ERCC6: variants seen among roughly 807,000 people sequenced by gnomAD.
ERCC6 encodes ERCC excision repair 6, chromatin remodeling factor, also known as DNA excision repair protein ERCC-6.
ERCC6 carries 116 observed loss-of-function variants against 158.7 expected under a neutral mutation model. That is an observed-to-expected ratio of 0.73 (90% CI 0.63 to 0.85). ERCC6 has a LOEUF of 0.85. Ranked by LOEUF, ERCC6 falls within the 40% of genes least tolerant of loss-of-function variation. The pLI is 0.00. For missense variants in ERCC6, 1,698 were observed against 1,799.4 expected, an observed-to-expected ratio of 0.94 and a Z score of 1.02; for synonymous variants, 678 against 659.3, an observed-to-expected ratio of 1.03 and a Z score of -0.43.
chr10:49,524,598 G>C lies in ERCC6; in HGVS notation c.832C>G (p.Gln278Glu), dbSNP rs74693932. The change falls in exon 5 of 21, where the codon CAA becomes GAA. Residue 278 changes from glutamine to glutamate, a missense_variant. By Grantham distance (29) the Gln-to-Glu change is conservative. Transcript: ENST00000355832. ...ASGFEKYLAD[Q>E]AKLSFERKKQ... Reference sequence around the variant, plus strand: ...TTCCTTTCAAAAGACAGTTTTGCTTGATCTGCCAAATACTTTTCGAAGCCT... The same window carrying C: ...TTCCTTTCAAAAGACAGTTTTGCTTCATCTGCCAAATACTTTTCGAAGCCT... 5 of 1,614,178 alleles carry C rather than the reference G, an allele frequency of 3.1e-6. No homozygotes were observed. The highest frequency in any genetic ancestry group is 4.2e-6 in the Non-Finnish European group (5 of 1,180,036).
chr10:49,495,283 C>T (rs1014343167), intron 7 of ERCC6, among the ~76,000 whole-genome samples: 12 of 152,116 alleles, frequency 7.9e-5, no homozygotes, highest in Admixed American at 7.9e-4. Flanking sequence ...CTACAAGAGG[C>T]AACTAAAAAC....
chr10:49,477,079 G>A (rs1025665579), intron 11 of ERCC6, among the ~76,000 whole-genome samples: 3 of 152,012 alleles, frequency 2.0e-5, no homozygotes, highest in East Asian at 1.9e-4. Flanking sequence ...ACGCATGCCC[G>A]CCCAGCATCT....
rs149526654 is a variant in ERCC6 at position 49,483,703 on chromosome 10, G to A, written c.1822-187C>T. On this transcript the variant is annotated intron_variant, in intron 8 of 20. Transcript: ENST00000355832. ...GTAGTAAACGCTGACTAATACAGCC[G>A]TTATTAGGGGAAGGAGACTCTCAAA... Among the ~76,000 whole-genome samples the A allele has an allele frequency of 6.2e-3, 936 of 152,038 alleles. 4 individuals are homozygous for A. Among genetic ancestry groups the A allele is most frequent in the Non-Finnish European group, 9.7e-3 (662 of 67,978 alleles).
chr10:49,487,566 T>C (rs1288379796), intron 8 of ERCC6, among the ~76,000 whole-genome samples: 1 of 145,196 alleles, frequency 6.9e-6, no homozygotes, highest in Admixed American at 6.7e-5. Flanking sequence ...AGAAAAACCA[T>C]CCACCTTTAG....
the ERCC6 span, among the ~76,000 whole-genome samples, chr10:49,443,494 C>A: frequency 2.6e-5 from 4 of 152,150 alleles, no homozygotes; most frequent in Non-Finnish European, 4.4e-5. Flanking sequence ...CATTGCAGTG[C>A]AATATATTAT....
intron 5 of ERCC6, among the ~76,000 whole-genome samples, chr10:49,520,616 T>C (rs1484991854): frequency 6.6e-6 from 1 of 152,118 alleles, no homozygotes; most frequent in Non-Finnish European, 1.5e-5. Flanking sequence ...GGCAAATACC[T>C]AGCATGAATG....
At chr10:49,468,912 G>A (rs1564728507) in intron 18 of ERCC6, among the ~76,000 whole-genome samples, 1 of 152,026 alleles carries the variant, frequency 6.6e-6, no homozygotes, top group Non-Finnish European at 1.5e-5. Flanking sequence ...GCTTGAAGGA[G>A]CTCCCACCCA....
At chr10:49,501,056 T>G (rs1199230010) in intron 6 of ERCC6, 2 of 265,350 alleles carry the variant, frequency 7.5e-6, no homozygotes, top group Admixed American at 1.0e-4. Flanking sequence ...ATATTTTTCA[T>G]ATATAAAGTT....
chr10:49,466,828 A>G (rs910387358), intron 18 of ERCC6, among the ~76,000 whole-genome samples: 9 of 152,174 alleles, frequency 5.9e-5, no homozygotes, highest in African/African-American at 1.9e-4. Flanking sequence ...GCTCTGTCGC[A>G]CAGGCAGGAG....
chr10:49,478,470 C>T lies in ERCC6; in HGVS notation c.2170G>A (p.Val724Ile). ...GGYSNASPVQ[V>I]KTAYKCACVL... is the part of the protein sequence containing the mutation. ...CATGCACACTTGTAAGCAGTTTTGA[C>T]CTTTAATAAGAGCAGAGAAGGGAAC... The change falls in exon 11 of 21, where the codon GTC (valine) becomes ATC (isoleucine). Residue 724 changes from valine (V) to isoleucine (I), a missense_variant and splice_region_variant. Physicochemically the swap from Val to Ile is conservative, Grantham distance 29. Coordinates refer to ENST00000355832, the MANE Select transcript of ERCC6 (RefSeq NM_000124.4). 6.3e-7 allele frequency: 1 copy of T among 1,585,886 alleles called. No individual in the cohort carries two copies. The highest frequency in any genetic ancestry group is 8.7e-7 in the Non-Finnish European group (1 of 1,155,540).
intron 18 of ERCC6, among the ~76,000 whole-genome samples, chr10:49,464,790 T>A (rs1590400638): frequency 6.6e-6 from 1 of 152,194 alleles, no homozygotes; most frequent in Non-Finnish European, 1.5e-5. Context: ...AGCCTGAGGG[T>A]GCACAGAAGT....
the ERCC6 span, among the ~76,000 whole-genome samples, chr10:49,443,783 G>A: frequency 1.1e-4 from 16 of 152,312 alleles, no homozygotes; most frequent in East Asian, 2.5e-3. Flanking sequence ...GTCACATGCT[G>A]TACAGGTTTG....
chr10:49,462,518 AG>A (rs1299425331), intron 18 of ERCC6, among the ~76,000 whole-genome samples: 1 of 152,136 alleles, frequency 6.6e-6, no homozygotes, highest in African/African-American at 2.4e-5. Flanking sequence ...CCTGTTTCAT[AG>A]GAAAAAAATC....
intron 19 of ERCC6, among the ~76,000 whole-genome samples, chr10:49,461,116 A>T (rs3810944): frequency 6.6e-6 from 1 of 152,142 alleles, no homozygotes; most frequent in East Asian, 1.9e-4. Flanking sequence ...CCATCTCTCA[A>T]ATAAAACCAA....
chr10:49,533,929 T>G (rs567204488), intron 1 of ERCC6, among the ~76,000 whole-genome samples: 2 of 151,864 alleles, frequency 1.3e-5, no homozygotes, highest in South Asian at 4.2e-4. Context: ...AGGTCAGGTG[T>G]TTGAGACCAG....
In ERCC6 at chr10:49,524,358, C is replaced by A; in HGVS notation, c.1072G>T (p.Asp358Tyr). The change falls in exon 5 of 21, where the codon GAC becomes TAC. Residue 358 changes from aspartate (D) to tyrosine (Y), a missense_variant. By Grantham distance (160) the Asp-to-Tyr change is radical. Transcript: ENST00000355832. ...LPKARRPWES[D>Y]MRPEAEGDSE... Reference sequence around the variant, plus strand: ...TCTCCCTCTGCCTCTGGCCTCATGTCTGACTCCCAAGGTCTCCTTGCCTTT... The same window carrying A: ...TCTCCCTCTGCCTCTGGCCTCATGTATGACTCCCAAGGTCTCCTTGCCTTT... The A allele has an allele frequency of 6.2e-7, 1 of 1,614,218 alleles. No individual in the cohort carries two copies. The highest frequency in any genetic ancestry group is 8.5e-7 in the Non-Finnish European group (1 of 1,180,048).
chr10:49,489,256 T>C (rs1851131499), intron 8 of ERCC6, among the ~76,000 whole-genome samples: 1 of 152,230 alleles, frequency 6.6e-6, no homozygotes. Flanking sequence ...CAATGCCTCA[T>C]TCAGCATCTT....
chr10:49,490,569 G>A (rs1220209244), intron 8 of ERCC6, among the ~76,000 whole-genome samples: 1 of 152,006 alleles, frequency 6.6e-6, no homozygotes, highest in Non-Finnish European at 1.5e-5. Context: ...TGGCCAGGCT[G>A]GTCTCAAACC....
At chr10:49,507,403 G>A (rs540406007) in intron 5 of ERCC6, among the ~76,000 whole-genome samples, 1 of 152,236 alleles carries the variant, frequency 6.6e-6, no homozygotes, top group East Asian at 1.9e-4. Context: ...CCAAGTCTAA[G>A]GAAATAGCTA....
Sources: gnomAD v4.1 joint callset for allele counts (sites outside exome capture counted in the v4.1 genomes callset) on GRCh38, gnomAD v4.1.1 for gene constraint, MANE v1.5 for transcripts, NCBI Gene and HGNC (gene_info 2026-07-23, HGNC 2026-07-21) for gene names.